Variants in CACNA1C observed in about 807,000 individuals in gnomAD.
CACNA1C encodes the protein voltage-dependent L-type calcium channel subunit alpha-1C.
Under a neutral mutation model 229.0 loss-of-function variants are expected in CACNA1C, and 30 were observed. The observed-to-expected ratio is 0.13, with a 90% CI of 0.10 to 0.18. The LOEUF (loss-of-function observed/expected upper bound fraction) is 0.18, where lower values mean the gene tolerates loss of function less well. Among genes scored for constraint, CACNA1C ranks in the 10% least tolerant of loss-of-function variants. CACNA1C has a pLI of 1.00. For synonymous variants in CACNA1C, 1,114 were observed against 1,132.5 expected, an observed-to-expected ratio of 0.98 and a Z score of 0.33; for missense variants, 1,658 against 2,845.0, an observed-to-expected ratio of 0.58 and a Z score of 9.49.
Position 1,985,035 on chromosome 12 carries a change from TA to T in CACNA1C, c.139+13849del, listed in dbSNP as rs796830744. On this transcript the variant is annotated intron_variant, in intron 1 of 46. Coordinates refer to the CACNA1C transcript ENST00000682462. ...GTTTTCTCTGGTTTGCTTTCAAGAT[TA>T]AAAAAAAAAAAAAATCTTTGTTTTT... is the stretch of plus-strand genomic sequence containing the variant. Among the ~76,000 whole-genome samples the T allele has an allele frequency of 8.0e-3, 1,134 of 141,954 alleles. 2 individuals carry two copies. The highest frequency in any genetic ancestry group is 0.014 in the Middle Eastern group (4 of 278). 93.1% of individuals were successfully genotyped at this position (141,954 alleles called of 152,430 possible). A position where few individuals can be genotyped will look rare whatever the true frequency, so the allele number is the denominator to read the frequency against.
chr12:2,468,516 A>T (rs182054746), intron 5 of CACNA1C, among the ~76,000 whole-genome samples: 459 of 152,348 alleles, frequency 3.0e-3, no homozygotes, highest in Non-Finnish European at 5.5e-3. Flanking sequence ...ACTGTTTTCC[A>T]GTCGGGATAA....
chr12:2,137,270 G>T (rs1032103832), intron 3 of CACNA1C, among the ~76,000 whole-genome samples: 1 of 151,284 alleles, frequency 6.6e-6, no homozygotes, highest in Non-Finnish European at 1.5e-5. Flanking sequence ...TGGTGGCACG[G>T]CCTTGTCACT....
chr12:2,428,236 C>G (rs1003925296), intron 3 of CACNA1C, among the ~76,000 whole-genome samples: 2 of 152,204 alleles, frequency 1.3e-5, no homozygotes, highest in East Asian at 1.9e-4. Flanking sequence ...TCTGTGCCAT[C>G]CCTACCCTGC....
chr12:2,150,518 A>G (rs1275033785), intron 3 of CACNA1C, among the ~76,000 whole-genome samples: 1 of 152,182 alleles, frequency 6.6e-6, no homozygotes, highest in Non-Finnish European at 1.5e-5. Flanking sequence ...TAATTCCCAA[A>G]CAGGGCTCCC....
intron 29 of CACNA1C, among the ~76,000 whole-genome samples, chr12:2,625,537 C>G (rs1400824634): frequency 6.6e-6 from 1 of 152,124 alleles, no homozygotes; most frequent in East Asian, 1.9e-4. Flanking sequence ...GCGGGCAGTA[C>G]AGGAAGGTAG....
At chr12:2,314,701 T>TGG (rs1466770397) in intron 3 of CACNA1C, among the ~76,000 whole-genome samples, 1 of 152,228 alleles carries the variant, frequency 6.6e-6, no homozygotes, top group African/African-American at 2.4e-5. Context: ...ATTCCATTGT[T>TGG]CATGTTCATC....
At chr12:2,650,913 G>A (rs988924905) in intron 31 of CACNA1C, 1 of 152,266 alleles carries the variant, frequency 6.6e-6, no homozygotes, top group Non-Finnish European at 1.5e-5. Flanking sequence ...TGAAGGGTTG[G>A]AGCCTCCTAG....
intron 3 of CACNA1C, among the ~76,000 whole-genome samples, chr12:2,321,820 G>A (rs910790732): frequency 1.3e-5 from 2 of 152,184 alleles, no homozygotes; most frequent in African/African-American, 2.4e-5. Context: ...CCTTGGGGCA[G>A]GAATGAATGA....
chr12:2,541,252 A>G (rs1035448789), intron 9 of CACNA1C, among the ~76,000 whole-genome samples: 2 of 152,224 alleles, frequency 1.3e-5, no homozygotes, highest in Non-Finnish European at 2.9e-5. Flanking sequence ...CTCACAGCAG[A>G]TAAGATGAAG....
intron 3 of CACNA1C, among the ~76,000 whole-genome samples, chr12:2,229,926 TGGTCTGACGC>T (rs2064277667): frequency 1.3e-5 from 2 of 152,242 alleles, no homozygotes; most frequent in South Asian, 4.1e-4. Context: ...GGGTGTGGCG[TGGTCTGACGC>T]GGGCTATCCC....
At chr12:1,998,780 C>T (rs1230023021) in intron 1 of CACNA1C, among the ~76,000 whole-genome samples, 3 of 152,180 alleles carry the variant, frequency 2.0e-5, no homozygotes, top group South Asian at 4.1e-4. Flanking sequence ...TGACTAACCA[C>T]GAACCAGACC....
chr12:2,450,054 A>G (rs1182259127), intron 4 of CACNA1C, among the ~76,000 whole-genome samples: 1 of 152,202 alleles, frequency 6.6e-6, no homozygotes, highest in African/African-American at 2.4e-5. Context: ...AACCCCAATC[A>G]AATGCAGCTT....
intron 3 of CACNA1C, among the ~76,000 whole-genome samples, chr12:2,437,897 G>A (rs1304429560): frequency 2.0e-5 from 3 of 149,516 alleles, no homozygotes; most frequent in Non-Finnish European, 4.5e-5. Flanking sequence ...GGTGATGATG[G>A]TGATAGTAGA....
chr12:2,326,377 G>T (rs2283299), intron 3 of CACNA1C, among the ~76,000 whole-genome samples: 106,166 of 152,088 alleles, frequency 0.7, 37,275 homozygotes, highest in African/African-American at 0.74. Flanking sequence ...CTAAACTAGG[G>T]CCCTAGGAAT....
intron 1 of CACNA1C, among the ~76,000 whole-genome samples, chr12:2,027,628 G>A (rs1000888543): frequency 6.6e-6 from 1 of 152,170 alleles, no homozygotes; most frequent in Non-Finnish European, 1.5e-5. Flanking sequence ...GAATGGAATT[G>A]ACTTGAGCGT....
intron 3 of CACNA1C, among the ~76,000 whole-genome samples, chr12:2,128,210 A>C (rs1292482906): frequency 1.3e-5 from 2 of 152,206 alleles, no homozygotes. Context: ...GGACTGTATG[A>C]AACCACAGCT....
At chr12:2,030,386 T>A (rs2048023278) in intron 1 of CACNA1C, among the ~76,000 whole-genome samples, 2 of 109,690 alleles carry the variant, frequency 1.8e-5, no homozygotes, top group South Asian at 6.1e-4. Flanking sequence ...TTGCCCAACA[T>A]AGTTTTTTTT....
At chr12:2,179,708 C>CAAAGA in intron 3 of CACNA1C, among the ~76,000 whole-genome samples, 2 of 152,278 alleles carry the variant, frequency 1.3e-5, no homozygotes, top group South Asian at 4.2e-4. Flanking sequence ...TGGAGACTGG[C>CAAAGA]AAAGAGTAGC....
At chr12:2,576,784 C>T (rs2058565992) in intron 13 of CACNA1C, among the ~76,000 whole-genome samples, 1 of 152,122 alleles carries the variant, frequency 6.6e-6, no homozygotes, top group Admixed American at 6.5e-5. Context: ...TCAAAGGCTG[C>T]CACCTGGACA....
Sources: gnomAD v4.1 joint callset for allele counts (sites outside exome capture counted in the v4.1 genomes callset) on GRCh38, gnomAD v4.1.1 for gene constraint, MANE v1.5 for transcripts, NCBI Gene and HGNC (gene_info 2026-07-23, HGNC 2026-07-21) for gene names.